Variants in FEZ2 observed in about 807,000 individuals in gnomAD.
The protein encoded by FEZ2 is fasciculation and elongation protein zeta 2, also known as fasciculation and elongation protein zeta-2.
A neutral mutation model predicts 40.4 loss-of-function variants in FEZ2; 51 were observed. That is an observed-to-expected ratio of 1.26 (90% CI 1.01 to 1.59). The LOEUF is 1.59. Ranked by LOEUF, FEZ2 falls within the 40% of genes most tolerant of loss-of-function variation. The pLI, the probability that FEZ2 is intolerant of heterozygous loss-of-function variation, is 0.00. For missense variants in FEZ2, 640 were observed against 438.3 expected (o/e 1.46, Z -4.11); for synonymous variants, 242 against 172.0 (o/e 1.41, Z -3.18).
At chr2:36,557,709 G>C (rs1667991522) in intron 6 of FEZ2, 1 of 151,992 alleles carries the variant, frequency 6.6e-6, no homozygotes, top group Non-Finnish European at 1.5e-5. Flanking sequence ...TTTTATCCTA[G>C]TTTTTCAATG....
Position 36,583,248 on chromosome 2 carries a change from A to T in FEZ2, c.492+105T>A, listed in dbSNP as rs191318488. 32 of 667,250 alleles carry T rather than the reference A, an allele frequency of 4.8e-5. No individual in the cohort carries two copies. The East Asian group carries it at 8.1e-4, about 17-fold the overall frequency. The allele number at this position is 667,250 out of a possible 1,614,324, so 41.3% of individuals were successfully genotyped here. Reference sequence around the variant, plus strand: ...TAAGCCTGTATAACCAGAAAAAAATAGGAAAGATAAGTAAACCAACAGCCA... The same window carrying T: ...TAAGCCTGTATAACCAGAAAAAAATTGGAAAGATAAGTAAACCAACAGCCA... On this transcript the variant is annotated intron_variant, in intron 3 of 7. Transcript: ENST00000405912.
chr2:36,583,624 T>G (rs1048203986), intron 2 of FEZ2, among the ~76,000 whole-genome samples, 155 bp from the exon 3 acceptor site: 2 of 152,152 alleles, frequency 1.3e-5, no homozygotes, highest in Non-Finnish European at 2.9e-5. Flanking sequence ...AGGCAATGAG[T>G]ATATATTCAT....
intron 5 of FEZ2, among the ~76,000 whole-genome samples, chr2:36,575,824 A>G (rs1281019983): frequency 6.6e-6 from 1 of 152,214 alleles, no homozygotes; most frequent in Non-Finnish European, 1.5e-5. Context: ...CAAAGAGAAC[A>G]AGGTAACAAT....
At chr2:36,561,831 T>C (rs528997062) in intron 5 of FEZ2, among the ~76,000 whole-genome samples, 2 of 152,276 alleles carry the variant, frequency 1.3e-5, no homozygotes, top group East Asian at 3.9e-4. Context: ...ACATAAAGAA[T>C]ATTTTACCAG....
chr2:36,556,038 G>A (rs1302761203), intron 6 of FEZ2: 2 of 552,604 alleles, frequency 3.6e-6, no homozygotes, highest in East Asian at 4.8e-5. Context: ...GAGGAACTGG[G>A]TTATTTACAA....
chr2:36,564,480 C>G (rs1462620761), intron 5 of FEZ2, among the ~76,000 whole-genome samples: 1 of 152,084 alleles, frequency 6.6e-6, no homozygotes, highest in African/African-American at 2.4e-5. Context: ...AGCCAAGGCC[C>G]CTCCCACCCT....
chr2:36,554,687 TACTC>T (rs1384268210), intron 7 of FEZ2, among the ~76,000 whole-genome samples: 1 of 152,216 alleles, frequency 6.6e-6, no homozygotes, highest in Non-Finnish European at 1.5e-5. Flanking sequence ...TCATGCTTCT[TACTC>T]TCACCGCATC....
chr2:36,554,897 G>A (rs183098198), intron 7 of FEZ2, among the ~76,000 whole-genome samples: 1 of 152,322 alleles, frequency 6.6e-6, no homozygotes, highest in Non-Finnish European at 1.5e-5. Flanking sequence ...GTTACTAGAA[G>A]AGGATTGCTC....
chr2:36,588,957 T>C (rs1043577220), intron 2 of FEZ2, among the ~76,000 whole-genome samples: 5 of 152,228 alleles, frequency 3.3e-5, no homozygotes, highest in Admixed American at 6.5e-5. Context: ...TTTTTTAATA[T>C]GTCAAAAAAG....
At chr2:36,556,476 A>C (rs962436966) in intron 6 of FEZ2, 3 of 152,282 alleles carry the variant, frequency 2.0e-5, no homozygotes, top group African/African-American at 7.2e-5. Context: ...TGCCAACTCA[A>C]ATTTTCTCCA....
intron 2 of FEZ2, among the ~76,000 whole-genome samples, chr2:36,585,738 A>T (rs1431659819): frequency 2.6e-5 from 4 of 152,244 alleles, no homozygotes; most frequent in Non-Finnish European, 5.9e-5. Context: ...TAAATGATGA[A>T]GATTAATTCA....
chr2:36,594,313 C>T (rs1458485798), intron 1 of FEZ2: 1 of 153,774 alleles, frequency 6.5e-6, no homozygotes, highest in Non-Finnish European at 1.4e-5. Flanking sequence ...TTCAGCAACG[C>T]CCCACTCTAC....
intron 5 of FEZ2, among the ~76,000 whole-genome samples, chr2:36,564,316 G>A (rs1668173116): frequency 6.6e-6 from 1 of 152,012 alleles, no homozygotes; most frequent in Non-Finnish European, 1.5e-5. Context: ...TGAATTCAAT[G>A]TCCTCTTCCC....
chr2:36,552,948 T>G lies in FEZ2; in HGVS notation c.*215A>C. The G allele has an allele frequency of 1.9e-6, 1 of 539,064 alleles. No homozygotes were observed. The highest frequency in any genetic ancestry group is 2.8e-4 in the Middle Eastern group (1 of 3,596). The allele number at this position is 539,064 out of a possible 1,614,324, so 33.4% of individuals were successfully genotyped here. A position where few individuals can be genotyped will look rare whatever the true frequency, so the allele number is the denominator to read the frequency against. ...CTAAGAGAACAGTTTATTAGTAGAT[T>G]TAACAAAAACCATCTCTAGAATTCA... is the stretch of plus-strand genomic sequence containing the variant. On this transcript the variant is annotated 3_prime_UTR_variant, in exon 8 of 8. Transcript: ENST00000405912.
chr2:36,590,757 A>C (rs1669046963), intron 2 of FEZ2, 146 bp downstream of exon 2: 1 of 585,386 alleles, frequency 1.7e-6, no homozygotes, highest in Admixed American at 3.1e-5. Context: ...CCTACAGCCA[A>C]GACATCAAGA....
intron 5 of FEZ2, among the ~76,000 whole-genome samples, chr2:36,577,408 G>C (rs978995660): frequency 6.6e-6 from 1 of 152,004 alleles, no homozygotes; most frequent in Non-Finnish European, 1.5e-5. Flanking sequence ...CAGGCATGCA[G>C]CACCACACCC....
At chr2:36,554,528 C>G (rs374055668) in intron 7 of FEZ2, among the ~76,000 whole-genome samples, 24 of 151,922 alleles carry the variant, frequency 1.6e-4, no homozygotes, top group Non-Finnish European at 2.9e-4. Context: ...TAGCACAACA[C>G]AAAAGCAAAC....
chr2:36,580,144 CTGTGG>C (rs1399278592), intron 4 of FEZ2, among the ~76,000 whole-genome samples: 1 of 152,222 alleles, frequency 6.6e-6, no homozygotes, highest in Non-Finnish European at 1.5e-5. Flanking sequence ...GCCACCCACT[CTGTGG>C]TACTTTGTTC....
At chr2:36,578,292 T>C (rs573671185) in intron 5 of FEZ2, among the ~76,000 whole-genome samples, 2 of 152,356 alleles carry the variant, frequency 1.3e-5, no homozygotes, top group African/African-American at 4.8e-5. Flanking sequence ...GTGGTAAAAA[T>C]GTTCACTTGC....
Sources: gnomAD v4.1 joint callset for allele counts (sites outside exome capture counted in the v4.1 genomes callset) on GRCh38, gnomAD v4.1.1 for gene constraint, MANE v1.5 for transcripts, NCBI Gene and HGNC (gene_info 2026-07-23, HGNC 2026-07-21) for gene names.